The following TNKS variants were observed in gnomAD, a reference collection of about 807,000 sequenced individuals.
TNKS encodes poly [ADP-ribose] polymerase tankyrase-1.
TNKS carries 72 observed loss-of-function variants against 135.8 expected under a neutral mutation model. The observed-to-expected ratio is 0.53, with a 90% CI of 0.44 to 0.64. TNKS has a LOEUF of 0.64. TNKS is among the 30% of genes least tolerant of loss of function. The pLI, the probability that TNKS is intolerant of heterozygous loss-of-function variation, is 0.00. For synonymous variants in TNKS, 849 were observed against 649.3 expected (o/e 1.31, Z -4.68); for missense variants, 1,769 against 1,674.0 (o/e 1.06, Z -0.99).
At chr8:9,556,930 A>T in intron 1 of TNKS, 5 of 516,954 alleles carry the variant, frequency 9.7e-6, no homozygotes, top group Non-Finnish European at 1.7e-5. Context: ...TTAGATTTGG[A>T]CAGCTTTAGA....
intron 5 of TNKS, among the ~76,000 whole-genome samples, chr8:9,689,619 C>T (rs970411271): frequency 6.6e-6 from 1 of 152,178 alleles, no homozygotes; most frequent in Non-Finnish European, 1.5e-5. Flanking sequence ...GGAGAGAAGG[C>T]TGTGGGCAGG....
intron 3 of TNKS, among the ~76,000 whole-genome samples, chr8:9,663,017 G>A (rs894871804): frequency 6.6e-6 from 1 of 152,210 alleles, no homozygotes; most frequent in Non-Finnish European, 1.5e-5. Flanking sequence ...TAATCACAAG[G>A]ATTCTTTAAA....
At chr8:9,719,599 C>G (rs1221438188) in intron 11 of TNKS, among the ~76,000 whole-genome samples, 1 of 152,134 alleles carries the variant, frequency 6.6e-6, no homozygotes, top group African/African-American at 2.4e-5. Context: ...CACTGGATCT[C>G]AGGAGCCATA....
In TNKS at chr8:9,748,062, G is replaced by C. The variant is rs377210789; in HGVS notation, c.2682G>C (p.Thr894=). ...DIAALLIKYN[T]CVNATDKWAF... ...CGGCTTTATTGATAAAATACAACAC[G>C]TGTGTAAATGCAACAGATAAGTGGG... Residue 894 remains threonine (T), a synonymous_variant, in exon 18 of 27, where the codon ACG becomes ACC. Coordinates refer to ENST00000310430, the MANE Select transcript of TNKS (RefSeq NM_003747.3). 6.2e-7 allele frequency: 1 copy of C among 1,612,048 alleles called. No individual in the cohort carries two copies. Among genetic ancestry groups the C allele is most frequent in the Non-Finnish European group, 8.5e-7 (1 of 1,179,470 alleles).
At chr8:9,722,639 C>G (rs1042373676) in intron 12 of TNKS, 12 of 151,716 alleles carry the variant, frequency 7.9e-5, no homozygotes, top group African/African-American at 2.9e-4. Flanking sequence ...TACTCCTTGC[C>G]TAGGAAATAT....
intron 3 of TNKS, among the ~76,000 whole-genome samples, chr8:9,679,079 G>T (rs1254624494): frequency 5.3e-5 from 8 of 151,766 alleles, no homozygotes; most frequent in Admixed American, 5.3e-4. Flanking sequence ...TATTATGGAT[G>T]GTTTTTAATT....
intron 1 of TNKS, among the ~76,000 whole-genome samples, chr8:9,576,449 G>T (rs1797947307): frequency 6.6e-6 from 1 of 151,808 alleles, no homozygotes. Context: ...GAAAGCGGGA[G>T]GTGCCACCAC....
chr8:9,765,827 C>G, intron 24 of TNKS, 30 bp downstream of exon 24: 3 of 1,580,854 alleles, frequency 1.9e-6, no homozygotes, highest in Non-Finnish European at 2.6e-6. Flanking sequence ...CGGTGGACGT[C>G]TCCCTGGGCC....
chr8:9,759,458 T>A (rs1180879120), intron 20 of TNKS, among the ~76,000 whole-genome samples: 1 of 152,252 alleles, frequency 6.6e-6, no homozygotes, highest in Non-Finnish European at 1.5e-5. Flanking sequence ...TGAGAGCTCC[T>A]CTCAGCCTTG....
At chr8:9,604,034 T>G (rs928286261) in intron 2 of TNKS, among the ~76,000 whole-genome samples, 1 of 152,056 alleles carries the variant, frequency 6.6e-6, no homozygotes, top group South Asian at 2.1e-4. Context: ...TCTTTAAAAA[T>G]GCGAAATTTT....
chr8:9,643,063 T>A lies in TNKS; in HGVS notation c.994+27386T>A, dbSNP rs1461762353. 2.7e-5 allele frequency among the ~76,000 whole-genome samples: 4 copies of A among 146,054 alleles called. 1 individual carries two copies. The East Asian group carries it at 8.5e-4, about 31-fold the overall frequency. The stretch of plus-strand genomic sequence containing the variant: ...AATATGAGAAATTACTGAGATGGGG[T>A]TGCCCGTGTTTTTCACTCATTTATA... On this transcript the variant is annotated intron_variant, in intron 3 of 26. Coordinates refer to ENST00000310430, the MANE Select transcript of TNKS (RefSeq NM_003747.3).
chr8:9,711,599 T>C (rs71516531), intron 11 of TNKS, among the ~76,000 whole-genome samples: 17,666 of 152,168 alleles, frequency 0.12, 1,437 homozygotes, highest in East Asian at 0.3. Flanking sequence ...TTGTGTTCTT[T>C]TTAATGAAAA....
At chr8:9,586,894 C>T (rs59775058) in intron 2 of TNKS, among the ~76,000 whole-genome samples, 41,698 of 151,656 alleles carry the variant, frequency 0.27, 6,053 homozygotes, top group East Asian at 0.38. Flanking sequence ...TGGTCTGCTG[C>T]GAAGAACAAT....
At chr8:9,710,662 C>T (rs987360272) in intron 11 of TNKS, among the ~76,000 whole-genome samples, 3 of 152,144 alleles carry the variant, frequency 2.0e-5, no homozygotes, top group South Asian at 2.1e-4. Flanking sequence ...TTTGGGAGGC[C>T]GAGGCAGGTG....
At chr8:9,761,755 C>A in intron 21 of TNKS, 119 bp downstream of exon 21, 2 of 1,020,768 alleles carry the variant, frequency 2.0e-6, no homozygotes, top group Non-Finnish European at 2.7e-6. Context: ...TATTGTACCT[C>A]CTGTCCCTTC....
At chr8:9,565,411 C>A (rs893597430) in intron 1 of TNKS, among the ~76,000 whole-genome samples, 1 of 151,994 alleles carries the variant, frequency 6.6e-6, no homozygotes, top group African/African-American at 2.4e-5. Context: ...TTTATTTTTT[C>A]TTCTTTGGTA....
chr8:9,591,716 G>A (rs1481656026), intron 2 of TNKS, among the ~76,000 whole-genome samples: 1 of 152,006 alleles, frequency 6.6e-6, no homozygotes, highest in Non-Finnish European at 1.5e-5. Context: ...TTTGCTTTTC[G>A]TTTTCTTAAT....
At position 9,695,934 on chromosome 8, in the gene TNKS, A is replaced by T. The variant is rs536744669; in HGVS notation, c.1108-8729A>T. Among the ~76,000 whole-genome samples, 7 of 152,368 alleles carry T rather than the reference A, an allele frequency of 4.6e-5. No individual in the cohort carries two copies. In the South Asian group the frequency reaches 1.5e-3, roughly 32 times the overall value. On this transcript the variant is annotated intron_variant, in intron 5 of 26. Coordinates refer to ENST00000310430, the MANE Select transcript of TNKS (RefSeq NM_003747.3). ...CTGCAGCATATGTTTCAAGGGAAGC[A>T]CTAGGGGGAGCTCCATTTTAGACAG...
intron 5 of TNKS, among the ~76,000 whole-genome samples, chr8:9,689,206 C>A (rs981696668): frequency 1.3e-5 from 2 of 152,124 alleles, no homozygotes; most frequent in Non-Finnish European, 2.9e-5. Context: ...CACACATATG[C>A]ATATTAATCC....
Sources: gnomAD v4.1 joint callset for allele counts (sites outside exome capture counted in the v4.1 genomes callset) on GRCh38, gnomAD v4.1.1 for gene constraint, MANE v1.5 for transcripts, NCBI Gene and HGNC (gene_info 2026-07-23, HGNC 2026-07-21) for gene names.